The following TENM2 variants were observed in gnomAD, a reference collection of about 807,000 sequenced individuals.
TENM2 encodes the protein teneurin-2.
TENM2 carries 52 observed loss-of-function variants against 245.2 expected under a neutral mutation model. The ratio of observed to expected loss-of-function variants is 0.21; its 90% CI spans 0.17 to 0.27. The LOEUF is 0.27. Among genes scored for constraint, TENM2 ranks in the 10% least tolerant of loss-of-function variants. The pLI, the probability that TENM2 is intolerant of heterozygous loss-of-function variation, is 1.00. For missense variants in TENM2, 3,046 were observed against 3,666.8 expected, an observed-to-expected ratio of 0.83 and a Z score of 4.37; for synonymous variants, 1,363 against 1,438.9, an observed-to-expected ratio of 0.95 and a Z score of 1.19.
intron 2 of TENM2, among the ~76,000 whole-genome samples, chr5:167,874,278 T>G (rs970039120): frequency 1.3e-5 from 2 of 152,238 alleles, no homozygotes; most frequent in East Asian, 3.9e-4. Context: ...AGGGCAGGGG[T>G]GGTGTCTTAC....
chr5:167,811,795 CA>C, intron 2 of TENM2, among the ~76,000 whole-genome samples: 1 of 152,050 alleles, frequency 6.6e-6, no homozygotes, highest in Non-Finnish European at 1.5e-5. Flanking sequence ...GAATACTAGG[CA>C]TATATGGGTT....
intron 4 of TENM2, among the ~76,000 whole-genome samples, chr5:167,954,455 C>T (rs1018339645): frequency 1.3e-5 from 2 of 152,064 alleles, no homozygotes; most frequent in Non-Finnish European, 2.9e-5. Context: ...AGCTACGTAT[C>T]GGGTATTATG....
At chr5:167,207,214 AC>A in the TENM2 span, among the ~76,000 whole-genome samples, 2 of 152,154 alleles carry the variant, frequency 1.3e-5, no homozygotes, top group Non-Finnish European at 2.9e-5. Flanking sequence ...TTCCCCATGG[AC>A]TGGGAACCTT....
At chr5:167,604,272 T>A (rs1776863672) in intron 2 of TENM2, among the ~76,000 whole-genome samples, 1 of 152,222 alleles carries the variant, frequency 6.6e-6, no homozygotes, top group Non-Finnish European at 1.5e-5. Context: ...GTCTGTTCTC[T>A]GCAATGAAAA....
At chr5:168,213,005 A>G (rs1490803291) in intron 20 of TENM2, among the ~76,000 whole-genome samples, 1 of 152,198 alleles carries the variant, frequency 6.6e-6, no homozygotes, top group African/African-American at 2.4e-5. Context: ...TATCTCTCTC[A>G]TAGGTAGGCA....
intron 2 of TENM2, among the ~76,000 whole-genome samples, chr5:167,524,737 A>G (rs932031037): frequency 5.9e-5 from 9 of 151,922 alleles, no homozygotes; most frequent in Admixed American, 5.9e-4. Flanking sequence ...AATCAAAGTC[A>G]CTGATGGTGG....
intron 1 of TENM2, among the ~76,000 whole-genome samples, chr5:167,322,233 GTTGTTTT>G (rs755527676): frequency 8.4e-4 from 126 of 149,890 alleles, no homozygotes; most frequent in African/African-American, 2.9e-3. Flanking sequence ...TTTTGTTGCT[GTTGTTTT>G]TTGTTTTTTG....
At chr5:168,228,342 C>G (rs1177158115) in intron 25 of TENM2, among the ~76,000 whole-genome samples, 1 of 152,204 alleles carries the variant, frequency 6.6e-6, no homozygotes, top group Non-Finnish European at 1.5e-5. Context: ...ATCCATCTCC[C>G]TTTGGGACTC....
chr5:168,229,530 A>G (rs1217785506), intron 25 of TENM2: 1 of 118,270 alleles, frequency 8.5e-6, no homozygotes, highest in Non-Finnish European at 1.5e-5. Flanking sequence ...AAAAACTAAT[A>G]AATAAAAATA....
the TENM2 span, among the ~76,000 whole-genome samples, chr5:167,033,764 A>C: frequency 6.6e-6 from 1 of 152,200 alleles, no homozygotes; most frequent in Non-Finnish European, 1.5e-5. Context: ...AAGTAACTTA[A>C]CCGTATTACC....
intron 2 of TENM2, among the ~76,000 whole-genome samples, chr5:167,646,637 G>A (rs1417571826): frequency 6.6e-6 from 1 of 152,046 alleles, no homozygotes; most frequent in African/African-American, 2.4e-5. Flanking sequence ...AGCTAGGCAG[G>A]TAATATCAAT....
At chr5:167,339,249 A>G (rs1326821667) in intron 1 of TENM2, among the ~76,000 whole-genome samples, 1 of 152,220 alleles carries the variant, frequency 6.6e-6, no homozygotes, top group African/African-American at 2.4e-5. Context: ...CAGACAAGTT[A>G]TATGCTTTCA....
intron 3 of TENM2, among the ~76,000 whole-genome samples, chr5:167,900,609 A>C (rs1052696059): frequency 1.3e-5 from 2 of 152,240 alleles, no homozygotes; most frequent in African/African-American, 4.8e-5. Flanking sequence ...GAGCCTGGAT[A>C]GATGAGGCTG....
intron 2 of TENM2, among the ~76,000 whole-genome samples, chr5:167,821,567 T>C (rs776772332): frequency 1.3e-5 from 2 of 152,242 alleles, no homozygotes; most frequent in Non-Finnish European, 2.9e-5. Flanking sequence ...ACTTGACAAA[T>C]GTAAACATGA....
chr5:167,680,616 T>A (rs1340141826), intron 2 of TENM2, among the ~76,000 whole-genome samples: 1 of 152,032 alleles, frequency 6.6e-6, no homozygotes, highest in African/African-American at 2.4e-5. Context: ...AGGACCTAGT[T>A]GAGAAGCTGT....
intron 1 of TENM2, among the ~76,000 whole-genome samples, chr5:167,373,960 GT>G (rs1760592337): frequency 6.6e-6 from 1 of 152,192 alleles, no homozygotes; most frequent in African/African-American, 2.4e-5. Context: ...CAGATCATGA[GT>G]TCCCCCTATA....
At chr5:167,839,892 A>ACAAGAGC (rs1769339583) in intron 2 of TENM2, among the ~76,000 whole-genome samples, 1 of 152,166 alleles carries the variant, frequency 6.6e-6, no homozygotes, top group African/African-American at 2.4e-5. Flanking sequence ...GTCTTGGCTC[A>ACAAGAGC]CTGCAACCTC....
intron 2 of TENM2, chr5:167,653,161 C>T (rs766606505): frequency 6.6e-6 from 1 of 152,142 alleles, no homozygotes; most frequent in Non-Finnish European, 1.5e-5. Flanking sequence ...CAGACAGACA[C>T]ACACACACAC....
the TENM2 span, among the ~76,000 whole-genome samples, chr5:167,065,082 AT>A: frequency 1.1e-4 from 17 of 152,120 alleles, no homozygotes; most frequent in African/African-American, 2.9e-4. Flanking sequence ...AGTAAATTTT[AT>A]TTTTTTATTT....
Sources: allele counts gnomAD v4.1 joint callset (sites outside exome capture counted in the v4.1 genomes callset), GRCh38; gene constraint gnomAD v4.1.1; transcripts MANE v1.5; gene names NCBI Gene and HGNC (gene_info 2026-07-23, HGNC 2026-07-21).